Variants in NFIA observed in about 807,000 individuals in gnomAD.
NFIA encodes nuclear factor I A.
In NFIA, 8 loss-of-function variants were observed where a neutral mutation model predicts 62.8. The ratio of observed to expected loss-of-function variants is 0.13; its 90% CI spans 0.07 to 0.23. The LOEUF (loss-of-function observed/expected upper bound fraction) is 0.23. NFIA is among the 10% of genes least tolerant of loss of function. The pLI, the probability that NFIA is intolerant of heterozygous loss-of-function variation, is 1.00. For missense variants in NFIA, 410 were observed against 642.1 expected, an observed-to-expected ratio of 0.64 and a Z score of 3.91; for synonymous variants, 235 against 238.1, an observed-to-expected ratio of 0.99 and a Z score of 0.12.
chr1:61,131,158 CTTT>C (rs200958600), intron 2 of NFIA, among the ~76,000 whole-genome samples: 7 of 136,384 alleles, frequency 5.1e-5, no homozygotes, highest in Non-Finnish European at 8.0e-5. Context: ...AATAGTATGA[CTTT>C]TTTTTTTTTT....
At position 61,367,803 on chromosome 1, in the gene NFIA, A is replaced by C. The variant is rs748960859; in HGVS notation, c.946+8529A>C. Among the ~76,000 whole-genome samples, 3 of 152,210 alleles carry C rather than the reference A, an allele frequency of 2.0e-5. No homozygotes were observed. In the East Asian group the frequency reaches 5.8e-4, roughly 29 times the overall value. On this transcript the variant is annotated intron_variant, in intron 6 of 10. Transcript: ENST00000403491. ...AGAAATATTCTTCTCATACACACAC[A>C]CATATACTCTGTGTATGTGTTATAT...
intron 7 of NFIA, chr1:61,385,839 A>T (rs1664655380): frequency 6.6e-6 from 1 of 152,224 alleles, no homozygotes; most frequent in African/African-American, 2.4e-5. Flanking sequence ...TGTAAGAATT[A>T]TGGAATACCA....
At chr1:61,288,359 A>G (rs1057063242) in intron 3 of NFIA, among the ~76,000 whole-genome samples, 2 of 152,196 alleles carry the variant, frequency 1.3e-5, no homozygotes, top group Non-Finnish European at 1.5e-5. Context: ...ATATGTTTTC[A>G]TCTGTAATTG....
At chr1:61,256,530 GC>G in intron 2 of NFIA, among the ~76,000 whole-genome samples, 1 of 152,006 alleles carries the variant, frequency 6.6e-6, no homozygotes, top group Non-Finnish European at 1.5e-5. Flanking sequence ...GCTGCATGTG[GC>G]CCCTGGGCCG....
At chr1:61,077,565 A>G, upstream of NFIA, 2 of 1,312,012 alleles carry the variant, frequency 1.5e-6, no homozygotes, top group Non-Finnish European at 2.0e-6. Flanking sequence ...AAAAGGGGAC[A>G]ACAAATGAAG....
chr1:61,120,145 C>A (rs894440490), intron 2 of NFIA, among the ~76,000 whole-genome samples: 2 of 152,030 alleles, frequency 1.3e-5, no homozygotes, highest in African/African-American at 4.8e-5. Context: ...GTACACTTGG[C>A]CATTGATTTG....
At chr1:61,099,663 T>G (rs1485173326) in intron 2 of NFIA, among the ~76,000 whole-genome samples, 2 of 152,196 alleles carry the variant, frequency 1.3e-5, no homozygotes, top group Non-Finnish European at 2.9e-5. Flanking sequence ...TCGTTGTGGC[T>G]TACTCCTGTT....
intron 2 of NFIA, among the ~76,000 whole-genome samples, chr1:61,185,180 A>C (rs1557621664): frequency 6.6e-6 from 1 of 152,174 alleles, no homozygotes; most frequent in Non-Finnish European, 1.5e-5. Flanking sequence ...CTTCCTGTTA[A>C]TTACTCTTGT....
At chr1:61,100,939 C>CT (rs57533806) in intron 2 of NFIA, among the ~76,000 whole-genome samples, 9,173 of 142,070 alleles carry the variant, frequency 0.065, 405 homozygotes, top group East Asian at 0.22. Context: ...GTTAACATTG[C>CT]TTTTTTTTTT....
intron 2 of NFIA, among the ~76,000 whole-genome samples, chr1:61,233,819 A>T (rs185170748): frequency 1.3e-5 from 2 of 152,282 alleles, no homozygotes; most frequent in African/African-American, 4.8e-5. Context: ...CCTCCTGGAG[A>T]TAGCTGTGGT....
intron 3 of NFIA, 53 bp downstream of exon 3, chr1:61,277,638 C>G: frequency 8.2e-6 from 13 of 1,580,372 alleles, no homozygotes; most frequent in Non-Finnish European, 1.0e-5. Context: ...CAGCAGCCAG[C>G]AGGCCGACTA....
At chr1:61,306,316 ATCCAGGCTGGAGT>A (rs1180012516) in intron 3 of NFIA, among the ~76,000 whole-genome samples, 1 of 118,742 alleles carries the variant, frequency 8.4e-6, no homozygotes, top group East Asian at 2.6e-4. Context: ...TCACTCTGTC[ATCCAGGCTGGAGT>A]GCAGTGAAGC....
In NFIA at chr1:61,214,376, C is replaced by T. The variant is rs192075519; in HGVS notation, c.560-63144C>T. Among the ~76,000 whole-genome samples the T allele has an allele frequency of 1.6e-3, 241 of 151,332 alleles. 1 individual carries two copies. The highest frequency in any genetic ancestry group is 2.4e-3 in the Non-Finnish European group (164 of 67,972). ...AAGCCAGAATTTTGCTAATATCTTA[C>T]ATAGAATCTCAATGATGGGAATTGG... On this transcript the variant is annotated intron_variant, in intron 2 of 10. Transcript: ENST00000403491.
At chr1:61,083,193 A>G (rs1452181129) in intron 1 of NFIA, among the ~76,000 whole-genome samples, 1 of 151,814 alleles carries the variant, frequency 6.6e-6, no homozygotes, top group African/African-American at 2.4e-5. Flanking sequence ...ACACGCAGAA[A>G]TCTGGCTCAG....
intron 10 of NFIA, among the ~76,000 whole-genome samples, chr1:61,435,837 TC>T (rs1375270731): frequency 6.6e-6 from 1 of 152,212 alleles, no homozygotes; most frequent in Non-Finnish European, 1.5e-5. Context: ...TATTCTTTTT[TC>T]CTATTCCCTG....
chr1:61,127,963 G>A (rs1647004940), intron 2 of NFIA, among the ~76,000 whole-genome samples: 1 of 152,046 alleles, frequency 6.6e-6, no homozygotes. Context: ...AGTAGACCGG[G>A]AGCTCCTCAA....
chr1:61,268,159 G>C (rs1217980377), intron 2 of NFIA, among the ~76,000 whole-genome samples: 1 of 152,152 alleles, frequency 6.6e-6, no homozygotes, highest in Non-Finnish European at 1.5e-5. Context: ...ACACAATCCT[G>C]TTTTCTCAAA....
At chr1:61,137,250 C>G (rs1160674895) in intron 2 of NFIA, among the ~76,000 whole-genome samples, 5 of 152,202 alleles carry the variant, frequency 3.3e-5, no homozygotes, top group African/African-American at 1.2e-4. Flanking sequence ...GCCAAACATC[C>G]TGTATACCTT....
intron 6 of NFIA, among the ~76,000 whole-genome samples, chr1:61,362,179 G>A (rs757116128): frequency 1.3e-5 from 2 of 152,062 alleles, no homozygotes; most frequent in Non-Finnish European, 2.9e-5. Context: ...GGCACAGAGA[G>A]CACCTTTATG....
Sources: allele counts gnomAD v4.1 joint callset (sites outside exome capture counted in the v4.1 genomes callset), GRCh38; gene constraint gnomAD v4.1.1; transcripts MANE v1.5; gene names NCBI Gene and HGNC (gene_info 2026-07-23, HGNC 2026-07-21).